The following TPGS1 variants were observed in gnomAD, a reference collection of about 807,000 sequenced individuals.
The protein encoded by TPGS1 is gene trap ROSA b-geo 22.
TPGS1 carries 18 observed loss-of-function variants against 11.9 expected under a neutral mutation model. The observed-to-expected ratio is 1.51, with a 90% CI of 1.04 to 2.24. TPGS1 has a LOEUF of 2.24. TPGS1 is among the 30% of genes most tolerant of loss of function. The pLI is 0.00. For missense variants in TPGS1, 500 were observed against 443.0 expected (o/e 1.13, Z -1.16); for synonymous variants, 247 against 218.2 (o/e 1.13, Z -1.16).
chr19:518,752 T>A, intron 1 of TPGS1, 137 bp from the exon 2 acceptor site: 2 of 733,778 alleles, frequency 2.7e-6, no homozygotes, highest in Middle Eastern at 4.2e-4. Context: ...AGGCCGGGGA[T>A]GGGGGGTAGG....
chr19:507,724 A>G lies in TPGS1; in HGVS notation c.218A>G (p.Asn73Ser), dbSNP rs1978663131. ...PIAFLAHYFENMGLRSPVNGG... is the reference protein window; with the variant it reads ...PIAFLAHYFESMGLRSPVNGG... ...GCCTTCCTGGCTCACTACTTCGAGA[A>G]CATGGGCCTGCGCTCGCCTGTAAAC... is the stretch of plus-strand genomic sequence containing the variant. Residue 73 changes from asparagine (N) to serine (S), a missense_variant, in exon 1 of 2, where the codon AAC becomes AGC. Physicochemically the swap from Asn to Ser is conservative, Grantham distance 46. Coordinates refer to ENST00000359315, the MANE Select transcript of TPGS1 (RefSeq NM_033513.3). 2 of 1,401,586 alleles carry G rather than the reference A, an allele frequency of 1.4e-6. No individual in the cohort carries two copies. Among genetic ancestry groups the G allele is most frequent in the South Asian group, 1.6e-5 (1 of 64,060 alleles). 86.8% of individuals were successfully genotyped at this position (1,401,586 alleles called of 1,614,324 possible).
In TPGS1 at chr19:518,962, C is replaced by A. The variant is rs1403616386; in HGVS notation, c.412C>A (p.Leu138Met). ...CGGCGGGCGCAGGAAGAGGCCGGGGCTGGACGGGCGCACCTACAGCGAGCT... is the reference window on the plus strand; with the variant it reads ...CGGCGGGCGCAGGAAGAGGCCGGGGATGGACGGGCGCACCTACAGCGAGCT... ...SAGGRRKRPG[L>M]DGRTYSELLR... The change falls in exon 2 of 2, where the codon CTG becomes ATG. Residue 138 changes from leucine to methionine, a missense_variant. Coordinates refer to ENST00000359315, the MANE Select transcript of TPGS1 (RefSeq NM_033513.3). 25 of 1,587,202 alleles carry A rather than the reference C, an allele frequency of 1.6e-5. No homozygotes were observed. The highest frequency in any genetic ancestry group is 2.0e-5 in the Non-Finnish European group (24 of 1,174,158).
intron 1 of TPGS1, among the ~76,000 whole-genome samples, chr19:515,553 C>G (rs1156592625): frequency 6.6e-6 from 1 of 151,488 alleles, no homozygotes; most frequent in African/African-American, 2.4e-5. Flanking sequence ...TCCTGGCCGA[C>G]ATGGTGAAAC....
chr19:511,049 T>A (rs938283017), intron 1 of TPGS1, among the ~76,000 whole-genome samples: 1 of 152,240 alleles, frequency 6.6e-6, no homozygotes, highest in African/African-American at 2.4e-5. Flanking sequence ...ATAAATAGAA[T>A]CTTTCCTGTA....
chr19:512,480 C>T (rs1978825821), intron 1 of TPGS1, among the ~76,000 whole-genome samples: 1 of 150,176 alleles, frequency 6.7e-6, no homozygotes, highest in Admixed American at 6.6e-5. Flanking sequence ...CCACCAAGGG[C>T]TTGTCTGATC....
intron 1 of TPGS1, among the ~76,000 whole-genome samples, chr19:514,869 CTGGCCACGG>C (rs1267516912): frequency 1.3e-5 from 2 of 152,228 alleles, no homozygotes; most frequent in East Asian, 3.8e-4. Flanking sequence ...GGCCCCCACG[CTGGCCACGG>C]TGCTCCCTGG....
At chr19:516,916 G>A (rs1978971456) in intron 1 of TPGS1, among the ~76,000 whole-genome samples, 1 of 152,186 alleles carries the variant, frequency 6.6e-6, no homozygotes, top group Non-Finnish European at 1.5e-5. Flanking sequence ...GCAACTTTAA[G>A]AGGATTTTAA....
chr19:513,170 C>G (rs1161861468), intron 1 of TPGS1, among the ~76,000 whole-genome samples: 1 of 152,194 alleles, frequency 6.6e-6, no homozygotes. Context: ...AGAGGGGCCC[C>G]GGTGCGGCTC....
rs1979059399 is a variant in TPGS1 at position 518,970 on chromosome 19, G to A, written c.420G>A (p.Gly140=). The A allele has an allele frequency of 1.3e-6, 2 of 1,586,954 alleles. No homozygotes were observed. Among genetic ancestry groups the A allele is most frequent in the Non-Finnish European group, 1.7e-6 (2 of 1,173,998 alleles). The change falls in exon 2 of 2, where the codon GGG becomes GGA. Residue 140 remains glycine, a synonymous_variant. Coordinates refer to ENST00000359315, the MANE Select transcript of TPGS1 (RefSeq NM_033513.3). ...GGRRKRPGLD[G]RTYSELLRRI... ...GCAGGAAGAGGCCGGGGCTGGACGGGCGCACCTACAGCGAGCTGCTCAGGC... is the reference window on the plus strand; with the variant it reads ...GCAGGAAGAGGCCGGGGCTGGACGGACGCACCTACAGCGAGCTGCTCAGGC...
chr19:512,900 G>T (rs1339089909), intron 1 of TPGS1, among the ~76,000 whole-genome samples: 3 of 152,182 alleles, frequency 2.0e-5, no homozygotes, highest in Admixed American at 2.0e-4. Flanking sequence ...GGGGTCGCTC[G>T]CGCAGCTCCC....
Position 519,243 on chromosome 19 carries a change from C to A in TPGS1, c.693C>A (p.Ala231=). 8.1e-7 allele frequency: 1 copy of A among 1,239,586 alleles called. No individual in the cohort carries two copies. Among genetic ancestry groups the A allele is most frequent in the South Asian group, 3.3e-5 (1 of 30,316 alleles). The allele number at this position is 1,239,586 out of a possible 1,614,324, so 76.8% of individuals were successfully genotyped here. Residue 231 remains alanine, a synonymous_variant, in exon 2 of 2, where the codon GCC becomes GCA. Coordinates refer to ENST00000359315, the MANE Select transcript of TPGS1 (RefSeq NM_033513.3). ...ACACCCTGGAGGGCGCGCTGCAGGC[C>A]AGCGACGCCGCCGCGCCCGCGCGCT... ...VLDTLEGALQ[A]SDAAAPARFL... is the part of the protein sequence containing the mutation.
intron 1 of TPGS1, among the ~76,000 whole-genome samples, chr19:514,810 G>T (rs1600402078): frequency 7.2e-6 from 1 of 138,790 alleles, no homozygotes; most frequent in African/African-American, 2.5e-5. Context: ...GGGAACTGAT[G>T]GGGGGAGTGA....
Position 519,194 on chromosome 19 carries a change from G to A in TPGS1, c.644G>A (p.Arg215His). The A allele has an allele frequency of 6.8e-7, 1 of 1,480,336 alleles. No individual in the cohort carries two copies. The highest frequency in any genetic ancestry group is 8.9e-7 in the Non-Finnish European group (1 of 1,123,234). 91.7% of individuals were successfully genotyped at this position (1,480,336 alleles called of 1,614,324 possible). A position where few individuals can be genotyped will look rare whatever the true frequency, so the allele number is the denominator to read the frequency against. Residue 215 changes from arginine (R) to histidine (H), a missense_variant, in exon 2 of 2, where the codon CGC becomes CAC. Coordinates refer to ENST00000359315, the MANE Select transcript of TPGS1 (RefSeq NM_033513.3). ...LEDSAAAVAD[R>H]RVGQAVLDTL... ...GACTCGGCCGCCGCCGTGGCCGACC[G>A]CCGCGTGGGCCAGGCCGTGCTGGAC...
intron 1 of TPGS1, among the ~76,000 whole-genome samples, chr19:510,991 A>C (rs925544285): frequency 2.0e-5 from 3 of 152,246 alleles, no homozygotes; most frequent in African/African-American, 7.2e-5. Context: ...AGTGGGAAGC[A>C]GAAGTCTAAG....
rs753050094 is a variant in TPGS1 at position 507,870 on chromosome 19, G to A, written c.338+26G>A. ...GTGCGCAGTGGGCCGGCTTGGGCGGGTGGGGCAGCGATGGACTTCAACTCC... is the reference window on the plus strand; with the variant it reads ...GTGCGCAGTGGGCCGGCTTGGGCGGATGGGGCAGCGATGGACTTCAACTCC... On this transcript the variant is annotated intron_variant, in intron 1 of 1. Coordinates refer to ENST00000359315, the MANE Select transcript of TPGS1 (RefSeq NM_033513.3). The A allele has an allele frequency of 5.4e-6, 7 of 1,307,524 alleles. No homozygotes were observed. In the South Asian group the frequency reaches 8.4e-5, roughly 16 times the overall value. The allele number at this position is 1,307,524 out of a possible 1,614,324, so 81.0% of individuals were successfully genotyped here. A position where few individuals can be genotyped will look rare whatever the true frequency, so the allele number is the denominator to read the frequency against.
Position 507,927 on chromosome 19 carries a change from C to T in TPGS1, c.338+83C>T, listed in dbSNP as rs1330499953. On this transcript the variant is annotated intron_variant, in intron 1 of 1. Coordinates refer to ENST00000359315, the MANE Select transcript of TPGS1 (RefSeq NM_033513.3). ...GCCGCGCGCGGCTCCCTACCCGCAG[C>T]GCCGGCGCAGGGGCCCGGGGCTTGC... 7.1e-6 allele frequency: 8 copies of T among 1,131,650 alleles called. No individual in the cohort carries two copies. The African/African-American group carries it at 9.7e-5, about 14-fold the overall frequency. 70.1% of individuals were successfully genotyped at this position (1,131,650 alleles called of 1,614,324 possible).
At chr19:515,680 G>T (rs955723517) in intron 1 of TPGS1, among the ~76,000 whole-genome samples, 1 of 152,044 alleles carries the variant, frequency 6.6e-6, no homozygotes, top group African/African-American at 2.4e-5. Context: ...GGAGGTTGCT[G>T]TGAGCTGAGA....
In TPGS1 at chr19:518,983, G is replaced by C; in HGVS notation, c.433G>C (p.Glu145Gln). 6.3e-7 allele frequency: 1 copy of C among 1,583,288 alleles called. No individual in the cohort carries two copies. Residue 145 changes from glutamate (E) to glutamine (Q), a missense_variant, in exon 2 of 2, where the codon GAG becomes CAG. Glu to Gln is a conservative substitution (Grantham distance 29). Coordinates refer to ENST00000359315, the MANE Select transcript of TPGS1 (RefSeq NM_033513.3). ...GGGGCTGGACGGGCGCACCTACAGC[G>C]AGCTGCTCAGGCGCATCTGCCGGGA... The part of the protein sequence containing the change: ...RPGLDGRTYS[E>Q]LLRRICRDGQ...
chr19:513,960 C>T (rs1978881101), intron 1 of TPGS1, among the ~76,000 whole-genome samples: 1 of 151,084 alleles, frequency 6.6e-6, no homozygotes, highest in Non-Finnish European at 1.5e-5. Flanking sequence ...GCACACCAAC[C>T]TGCCCCGGCC....
Sources: gnomAD v4.1 joint callset for allele counts (sites outside exome capture counted in the v4.1 genomes callset) on GRCh38, gnomAD v4.1.1 for gene constraint, MANE v1.5 for transcripts, NCBI Gene and HGNC (gene_info 2026-07-23, HGNC 2026-07-21) for gene names.